SIN3B: variants seen among roughly 807,000 people sequenced by gnomAD.
SIN3B encodes paired amphipathic helix protein Sin3b.
Under a neutral mutation model 120.2 loss-of-function variants are expected in SIN3B, and 19 were observed. The ratio of observed to expected loss-of-function variants is 0.16; its 90% CI spans 0.11 to 0.23. The LOEUF is 0.23. SIN3B is among the 10% of genes least tolerant of loss of function. SIN3B has a pLI of 1.00. For synonymous variants in SIN3B, 654 were observed against 653.2 expected (o/e 1.00, Z -0.02); for missense variants, 1,073 against 1,573.0 (o/e 0.68, Z 5.38).
At position 16,876,198 on chromosome 19, in the gene SIN3B, G is replaced by A; in HGVS notation, c.2736G>A (p.Glu912=). 1 of 1,612,262 alleles carries A rather than the reference G, an allele frequency of 6.2e-7. No homozygotes were observed. Among genetic ancestry groups the A allele is most frequent in the Non-Finnish European group, 8.5e-7 (1 of 1,179,108 alleles). Residue 912 remains glutamate (E), a synonymous_variant, in exon 15 of 19, where the codon GAG becomes GAA. Coordinates refer to ENST00000248054, the MANE Select transcript of SIN3B (RefSeq NM_001297595.2). The surrounding 1 kb of genome is among the most constrained non-coding windows in gnomAD (Gnocchi z 7.1). ...AGACCAGCTACCAGTGGAAGGCTGAGCGCTGCATGGCCGACGAGAACTGCT... is the reference window on the plus strand; with the variant it reads ...AGACCAGCTACCAGTGGAAGGCTGAACGCTGCATGGCCGACGAGAACTGCT... The part of the protein sequence containing the change: ...ARETSYQWKA[E]RCMADENCFK...
rs533266936 is a variant in SIN3B, at chr19:16,878,680, G to A, written c.3346G>A (p.Val1116Met). ...CETVHVHGLP[V>M]TRYRVQYSRR... is the part of the protein sequence containing the mutation. Reference sequence around the variant, plus strand: ...GACAGTGCACGTGCACGGCCTGCCCGTGACCCGCTACCGCGTGCAGTACAG... The same window carrying A: ...GACAGTGCACGTGCACGGCCTGCCCATGACCCGCTACCGCGTGCAGTACAG... The change falls in exon 19 of 19, where the codon GTG (valine) becomes ATG (methionine). Residue 1116 changes from valine to methionine, a missense_variant. Val to Met is a conservative substitution (Grantham distance 21). Transcript: ENST00000248054. 6.2e-6 allele frequency: 10 copies of A among 1,612,402 alleles called. No individual in the cohort carries two copies. Among genetic ancestry groups the A allele is most frequent in the East Asian group, 4.5e-5 (2 of 44,848 alleles).
At chr19:16,848,538 C>T (rs1408175700) in intron 5 of SIN3B, among the ~76,000 whole-genome samples, 2 of 151,508 alleles carry the variant, frequency 1.3e-5, no homozygotes, top group African/African-American at 4.9e-5. Context: ...CTGTCTGTCA[C>T]CTAGGCTGGA....
intron 10 of SIN3B, among the ~76,000 whole-genome samples, chr19:16,864,683 T>A (rs1002689499): frequency 1.3e-5 from 2 of 151,830 alleles, no homozygotes; most frequent in Non-Finnish European, 2.9e-5. Flanking sequence ...CAGGCTACAT[T>A]AATTTTTGTA....
In SIN3B at chr19:16,866,549, A is replaced by T; in HGVS notation, c.1799A>T (p.Tyr600Phe). The T allele has an allele frequency of 6.2e-7, 1 of 1,613,622 alleles. No homozygotes were observed. Among genetic ancestry groups the T allele is most frequent in the Non-Finnish European group, 8.5e-7 (1 of 1,179,936 alleles). Residue 600 changes from tyrosine to phenylalanine, a missense_variant, in exon 12 of 19, where the codon TAC becomes TTC. Around this residue, in one of 7 missense-constraint regions of SIN3B, gnomAD observed 169 missense variants for 207.3 expected, o/e 0.82. Coordinates refer to ENST00000248054, the MANE Select transcript of SIN3B (RefSeq NM_001297595.2). ...TTGCTCAACGAGATCGAGAGCGTCT[A>T]CGACGAGGTAAAGCCTTCCCTAGCC... is the stretch of plus-strand genomic sequence containing the variant. ...KSLLNEIESV[Y>F]DEHQEQHSEG...
In SIN3B at chr19:16,875,774, TTGGTC is replaced by T. The variant is rs546838576; in HGVS notation, c.2593-253_2593-249del. On this transcript the variant is annotated intron_variant, in intron 14 of 18. Transcript: ENST00000248054. ...GTCTGGTCTGTTTGGTCTGGTCTGT[TTGGTC>T]TGGTCTGGTCTGGTCTGGTCTGGTC... is the stretch of plus-strand genomic sequence containing the variant. Among the ~76,000 whole-genome samples the T allele has an allele frequency of 2.6e-3, 391 of 147,980 alleles. 1 individual carries two copies. Among genetic ancestry groups the T allele is most frequent in the East Asian group, 0.023 (112 of 4,926 alleles).
chr19:16,859,936 C>G (rs867318031), intron 8 of SIN3B, among the ~76,000 whole-genome samples: 17 of 152,100 alleles, frequency 1.1e-4, no homozygotes, highest in African/African-American at 3.9e-4. Flanking sequence ...GCCTCAGTGT[C>G]TTTGTAAAAT....
intron 12 of SIN3B, among the ~76,000 whole-genome samples, chr19:16,867,149 C>T (rs951326356): frequency 7.9e-5 from 12 of 152,208 alleles, no homozygotes; most frequent in Admixed American, 7.9e-4. Flanking sequence ...TCATTTCTTT[C>T]TTGCCGACTG....
chr19:16,868,485 G>A (rs754874211), intron 12 of SIN3B, among the ~76,000 whole-genome samples: 39 of 152,244 alleles, frequency 2.6e-4, no homozygotes, highest in Non-Finnish European at 4.6e-4. Flanking sequence ...AGTGGTGTGG[G>A]AGGCTGGAGG....
intron 13 of SIN3B, among the ~76,000 whole-genome samples, chr19:16,870,475 C>T (rs1186980285): frequency 6.6e-6 from 1 of 151,990 alleles, no homozygotes; most frequent in African/African-American, 2.4e-5. Context: ...ACCTCCACTT[C>T]CCAGGTTCAA....
intron 3 of SIN3B, among the ~76,000 whole-genome samples, chr19:16,837,026 C>T (rs1971357497): frequency 6.6e-6 from 1 of 151,886 alleles, no homozygotes; most frequent in African/African-American, 2.4e-5. Flanking sequence ...TGGGCAGATG[C>T]GGGTGGCGCA....
chr19:16,831,669 G>C (rs376267076), intron 3 of SIN3B, 22 bp downstream of exon 3: 1 of 1,611,960 alleles, frequency 6.2e-7, no homozygotes, highest in African/African-American at 1.3e-5. Flanking sequence ...CAGTGGTTCG[G>C]GTGATCTCAG....
In SIN3B at chr19:16,847,316, G is replaced by T. The variant is rs369780248; in HGVS notation, c.726+203G>T. Among the ~76,000 whole-genome samples the T allele has an allele frequency of 6.2e-4, 94 of 152,324 alleles. 1 individual carries two copies. The highest frequency in any genetic ancestry group is 2.2e-3 in the African/African-American group (91 of 41,574). Reference sequence around the variant, plus strand: ...GCAAGCTCGTAAACGATTTGCCAAGGTGCTTCTCTGTACAGACAGTACCTG... The same window carrying T: ...GCAAGCTCGTAAACGATTTGCCAAGTTGCTTCTCTGTACAGACAGTACCTG... On this transcript the variant is annotated intron_variant, in intron 5 of 18. Coordinates refer to ENST00000248054, the MANE Select transcript of SIN3B (RefSeq NM_001297595.2).
intron 14 of SIN3B, chr19:16,871,693 G>A (rs1328444302): frequency 2.1e-5 from 7 of 332,208 alleles, no homozygotes; most frequent in Admixed American, 1.4e-4. Flanking sequence ...CCCCTGCCCC[G>A]AGCCCCTGAC....
chr19:16,875,720 G>T, intron 14 of SIN3B, among the ~76,000 whole-genome samples: 1 of 144,854 alleles, frequency 6.9e-6, no homozygotes, highest in African/African-American at 2.6e-5. Flanking sequence ...GTCTGGTCTG[G>T]TTTGGTCTGG....
chr19:16,830,174 GATTTAATATGTTGATTTTTAT>G (rs1366457333), intron 2 of SIN3B, among the ~76,000 whole-genome samples: 10 of 152,232 alleles, frequency 6.6e-5, no homozygotes, highest in Non-Finnish European at 1.3e-4. Context: ...ATCCTGCCTT[GATTTAATATGTTGATTTTTAT>G]ATTAGTTTTG....
rs749189612 is a variant in SIN3B, at chr19:16,878,380, G to A, written c.3152G>A (p.Arg1051Gln). ...DYMYRRGTLCRAKQVQPLVLL... is the reference protein window; with the variant it reads ...DYMYRRGTLCQAKQVQPLVLL... ...ATGTACCGTCGCGGGACCCTCTGCC[G>A]GGCCAAGCAGGTGCCAGGGGAGGCC... is the stretch of plus-strand genomic sequence containing the variant. The change falls in exon 18 of 19, where the codon CGG (arginine) becomes CAG (glutamine). Residue 1051 changes from arginine to glutamine, a missense_variant. Arg to Gln is a conservative substitution (Grantham distance 43, BLOSUM62 1). Transcript: ENST00000248054. 16 of 1,611,052 alleles carry A rather than the reference G, an allele frequency of 9.9e-6. No homozygotes were observed. Among genetic ancestry groups the A allele is most frequent in the Middle Eastern group, 3.3e-4 (2 of 6,080 alleles).
chr19:16,834,122 G>A lies in SIN3B; in HGVS notation c.381+2475G>A, dbSNP rs545525306. On this transcript the variant is annotated intron_variant, in intron 3 of 18. Transcript: ENST00000248054. Reference sequence around the variant, plus strand: ...GCAAATGAAGCCCCAGGATCCAGATGTACTGCTTGTGTCTTAGACCATGAA... The same window carrying A: ...GCAAATGAAGCCCCAGGATCCAGATATACTGCTTGTGTCTTAGACCATGAA... Among the ~76,000 whole-genome samples the A allele has an allele frequency of 2.0e-5, 3 of 152,256 alleles. No individual in the cohort carries two copies. The South Asian group carries it at 6.2e-4, about 32-fold the overall frequency.
intron 4 of SIN3B, 55 bp downstream of exon 4, chr19:16,842,023 C>T (rs1971424500): frequency 1.5e-6 from 2 of 1,354,762 alleles, no homozygotes; most frequent in South Asian, 1.2e-5. Context: ...CAGTTTGGGG[C>T]CCTGCAGATA....
chr19:16,841,668 G>T, intron 3 of SIN3B, 100 bp from the exon 4 acceptor site: 1 of 1,156,312 alleles, frequency 8.6e-7, no homozygotes, highest in Non-Finnish European at 1.3e-6. Flanking sequence ...GCTCCGTGCT[G>T]AGTTTTTTCT....
Sources: gnomAD v4.1 joint callset for allele counts (sites outside exome capture counted in the v4.1 genomes callset) on GRCh38, gnomAD v4.1.1 for gene constraint, gnomAD v4.1.1 regional missense constraint, Gnocchi (gnomAD v3.1) non-coding constraint, MANE v1.5 for transcripts, NCBI Gene and HGNC (gene_info 2026-07-23, HGNC 2026-07-21) for gene names.